CFAP299: variants seen among roughly 807,000 people sequenced by gnomAD.
CFAP299 encodes cilia and flagella associated protein 299, also known as cilia- and flagella-associated protein 299.
Under a neutral mutation model 27.0 loss-of-function variants are expected in CFAP299, and 21 were observed. That is an observed-to-expected ratio of 0.78 (90% CI 0.55 to 1.12). CFAP299 has a LOEUF of 1.12. Among genes scored for constraint, CFAP299 ranks in the 50% most tolerant of loss-of-function variants. CFAP299 has a pLI of 0.00. For missense variants in CFAP299, 310 were observed against 276.6 expected, an observed-to-expected ratio of 1.12 and a Z score of -0.86; for synonymous variants, 104 against 98.1, an observed-to-expected ratio of 1.06 and a Z score of -0.36.
rs570269121 is a variant in CFAP299, at chr4:80,524,815, G to A, written c.243-58278G>A. Among the ~76,000 whole-genome samples, 350 of 152,192 alleles carry A rather than the reference G, an allele frequency of 2.3e-3. 4 individuals carry two copies. Among genetic ancestry groups the A allele is most frequent in the South Asian group, 8.1e-3 (39 of 4,818 alleles). On this transcript the variant is annotated intron_variant, in intron 2 of 5. Coordinates refer to ENST00000358105, the MANE Select transcript of CFAP299 (RefSeq NM_152770.3). ...AAATAACTCTCATCTATTATGTCAT[G>A]GTTTCTGTTGTCAGGATTCTGGGCA...
Position 80,955,044 on chromosome 4 carries a change from G to T in CFAP299, c.607-8473G>T. On this transcript the variant is annotated intron_variant, in intron 5 of 5. Coordinates refer to ENST00000358105, the MANE Select transcript of CFAP299 (RefSeq NM_152770.3). ...AAAAAAAAAAAAAAAACGCACACATGGCCATATACAGAGTAGTATAATTGT... is the reference window on the plus strand; with the variant it reads ...AAAAAAAAAAAAAAAACGCACACATTGCCATATACAGAGTAGTATAATTGT... 2.3e-5 allele frequency among the ~76,000 whole-genome samples: 3 copies of T among 129,234 alleles called. 1 individual carries two copies. The highest frequency in any genetic ancestry group is 4.7e-5 in the Non-Finnish European group (3 of 63,534). 84.8% of individuals were successfully genotyped at this position (129,234 alleles called of 152,430 possible).
chr4:80,408,766 A>G (rs1034147027), intron 2 of CFAP299, among the ~76,000 whole-genome samples: 5 of 151,888 alleles, frequency 3.3e-5, no homozygotes, highest in African/African-American at 1.2e-4. Context: ...TGTAAATGGG[A>G]GAAATGGGCA....
At chr4:80,498,201 A>G (rs962625289) in intron 2 of CFAP299, among the ~76,000 whole-genome samples, 8 of 152,172 alleles carry the variant, frequency 5.3e-5, no homozygotes, top group Non-Finnish European at 5.9e-5. Context: ...ATAAATTATG[A>G]CTAAGTCCCT....
intron 3 of CFAP299, among the ~76,000 whole-genome samples, chr4:80,864,973 G>A (rs142677543): frequency 4.7e-3 from 718 of 152,234 alleles, no homozygotes; most frequent in Middle Eastern, 0.02. Flanking sequence ...AGGTGACAGA[G>A]CCAGCATTTG....
chr4:80,598,527 G>T (rs1737170793), intron 3 of CFAP299, among the ~76,000 whole-genome samples: 1 of 152,140 alleles, frequency 6.6e-6, no homozygotes, highest in Non-Finnish European at 1.5e-5. Context: ...GTTTTCTTGA[G>T]CATTTAATGG....
rs1408735100 is a variant in CFAP299, at chr4:80,799,162, C to T, written c.334-70831C>T. 7.5e-4 allele frequency among the ~76,000 whole-genome samples: 62 copies of T among 82,582 alleles called. No homozygotes were observed. The East Asian group carries it at 8.6e-3, about 11-fold the overall frequency. 54.2% of individuals were successfully genotyped at this position (82,582 alleles called of 152,430 possible). A position where few individuals can be genotyped will look rare whatever the true frequency, so the allele number is the denominator to read the frequency against. ...TATATATTATATAAATATATTTATACAATATTTATATATATTGTATAAATA... is the reference window on the plus strand; with the variant it reads ...TATATATTATATAAATATATTTATATAATATTTATATATATTGTATAAATA... On this transcript the variant is annotated intron_variant, in intron 3 of 5. Transcript: ENST00000358105.
intron 3 of CFAP299, among the ~76,000 whole-genome samples, chr4:80,690,619 T>C (rs1363124968): frequency 5.3e-5 from 8 of 151,652 alleles, no homozygotes; most frequent in Admixed American, 1.3e-4. Context: ...CACCCTAACA[T>C]CACAATTAAA....
At chr4:80,817,217 A>G (rs1729465556) in intron 3 of CFAP299, among the ~76,000 whole-genome samples, 1 of 152,080 alleles carries the variant, frequency 6.6e-6, no homozygotes, top group Non-Finnish European at 1.5e-5. Context: ...CCCCTAGAGG[A>G]TTAGTTGAGC....
At chr4:80,581,053 A>G (rs1736136938) in intron 2 of CFAP299, among the ~76,000 whole-genome samples, 2 of 151,864 alleles carry the variant, frequency 1.3e-5, no homozygotes, top group Non-Finnish European at 1.5e-5. Flanking sequence ...ATTGGTTACT[A>G]CAGTATAACC....
At chr4:80,424,937 A>T (rs1383774239) in intron 2 of CFAP299, among the ~76,000 whole-genome samples, 2 of 152,176 alleles carry the variant, frequency 1.3e-5, no homozygotes, top group African/African-American at 4.8e-5. Flanking sequence ...GAACCAGCAC[A>T]TAGTCCACGG....
At chr4:80,636,982 GA>G (rs1254793706) in intron 3 of CFAP299, among the ~76,000 whole-genome samples, 13 of 151,960 alleles carry the variant, frequency 8.6e-5, no homozygotes, top group Non-Finnish European at 1.5e-4. Flanking sequence ...CAGAATTAAA[GA>G]AAAAAGTTTT....
chr4:80,858,879 A>G (rs1207662629), intron 3 of CFAP299, among the ~76,000 whole-genome samples: 1 of 152,050 alleles, frequency 6.6e-6, no homozygotes, highest in Non-Finnish European at 1.5e-5. Context: ...AAAAAAATGT[A>G]TATTCTGTTG....
chr4:80,355,533 A>G (rs1038901919), intron 1 of CFAP299, among the ~76,000 whole-genome samples: 4 of 151,790 alleles, frequency 2.6e-5, no homozygotes, highest in Non-Finnish European at 5.9e-5. Context: ...AATGTTTTGT[A>G]TTTTTAGTAG....
At chr4:80,348,741 A>G (rs964068493) in intron 1 of CFAP299, among the ~76,000 whole-genome samples, 1 of 152,186 alleles carries the variant, frequency 6.6e-6, no homozygotes, top group Non-Finnish European at 1.5e-5. Context: ...AGTTTGTGGT[A>G]TTTTCTTATG....
chr4:80,562,129 A>G (rs1038071874), intron 2 of CFAP299, among the ~76,000 whole-genome samples: 7 of 152,126 alleles, frequency 4.6e-5, no homozygotes, highest in Non-Finnish European at 1.0e-4. Context: ...AACCTCAAGT[A>G]AAAAAACCTA....
At chr4:80,859,447 G>A (rs1732164856) in intron 3 of CFAP299, among the ~76,000 whole-genome samples, 1 of 151,708 alleles carries the variant, frequency 6.6e-6, no homozygotes, top group South Asian at 2.1e-4. Flanking sequence ...ATTTGAACCT[G>A]TCGTTATGAT....
At chr4:80,583,267 TTAAAG>T in intron 3 of CFAP299, 84 bp downstream of exon 3, 1 of 662,144 alleles carries the variant, frequency 1.5e-6, no homozygotes, top group Non-Finnish European at 2.4e-6. Flanking sequence ...AATATCTTTC[TTAAAG>T]TAATTTACAA....
intron 2 of CFAP299, among the ~76,000 whole-genome samples, chr4:80,462,753 G>T (rs1480228699): frequency 6.6e-6 from 1 of 152,100 alleles, no homozygotes; most frequent in Non-Finnish European, 1.5e-5. Context: ...ATCTGGAGAT[G>T]CTTCAAATTC....
intron 3 of CFAP299, among the ~76,000 whole-genome samples, chr4:80,617,193 T>C (rs1033508500): frequency 6.6e-6 from 1 of 152,188 alleles, no homozygotes; most frequent in Non-Finnish European, 1.5e-5. Context: ...GAATATTAGA[T>C]AGGCCCTTGG....
Sources: gnomAD v4.1 joint callset for allele counts (sites outside exome capture counted in the v4.1 genomes callset) on GRCh38, gnomAD v4.1.1 for gene constraint, MANE v1.5 for transcripts, NCBI Gene and HGNC (gene_info 2026-07-23, HGNC 2026-07-21) for gene names.